Variants in ATG10 observed in about 807,000 individuals in gnomAD.
ATG10 encodes ubiquitin-like-conjugating enzyme ATG10.
ATG10 carries 30 observed loss-of-function variants against 32.1 expected under a neutral mutation model. That is an observed-to-expected ratio of 0.94 (90% CI 0.70 to 1.27). The LOEUF (loss-of-function observed/expected upper bound fraction) is 1.27, where lower values mean the gene tolerates loss of function less well. ATG10 is among the 50% of genes most tolerant of loss of function. The pLI, the probability that ATG10 is intolerant of heterozygous loss-of-function variation, is 0.00. For missense variants in ATG10, 233 were observed against 262.3 expected (o/e 0.89, Z 0.77); for synonymous variants, 87 against 91.5 (o/e 0.95, Z 0.28).
intron 4 of ATG10, among the ~76,000 whole-genome samples, chr5:82,164,788 C>T (rs578017609): frequency 9.2e-5 from 14 of 152,184 alleles, no homozygotes; most frequent in Middle Eastern, 3.4e-3. Flanking sequence ...TTGACTAAGC[C>T]CCCTGGCCCT....
intron 2 of ATG10, among the ~76,000 whole-genome samples, chr5:82,041,425 A>G (rs1025918265): frequency 1.3e-5 from 2 of 152,200 alleles, no homozygotes; most frequent in Admixed American, 1.3e-4. Flanking sequence ...TTTTTGAGAT[A>G]TTTGTGACAT....
chr5:82,135,752 G>A (rs561371098), intron 3 of ATG10, among the ~76,000 whole-genome samples: 102 of 152,290 alleles, frequency 6.7e-4, no homozygotes, highest in Non-Finnish European at 1.3e-3. Context: ...GTCCAGAGCC[G>A]AGTTCAAGTC....
intron 3 of ATG10, among the ~76,000 whole-genome samples, chr5:82,084,388 A>G (rs545077457): frequency 1.3e-5 from 2 of 152,346 alleles, no homozygotes; most frequent in East Asian, 3.9e-4. Context: ...GGAGAATGGA[A>G]CCAAGTTGGG....
intron 3 of ATG10, among the ~76,000 whole-genome samples, chr5:82,112,283 G>A (rs1405430971): frequency 1.3e-5 from 2 of 151,714 alleles, no homozygotes; most frequent in Non-Finnish European, 2.9e-5. Context: ...CAAATTTAAT[G>A]AATAACAATA....
chr5:82,059,571 G>A (rs1763704150), intron 3 of ATG10, among the ~76,000 whole-genome samples: 1 of 152,128 alleles, frequency 6.6e-6, no homozygotes, highest in Admixed American at 6.5e-5. Flanking sequence ...TTTGAAAGAG[G>A]ATTGGTGAGG....
At chr5:82,131,912 G>A (rs745456511) in intron 3 of ATG10, among the ~76,000 whole-genome samples, 11 of 152,022 alleles carry the variant, frequency 7.2e-5, no homozygotes, top group Non-Finnish European at 1.3e-4. Context: ...AATCATGGCA[G>A]AAGGCAAAGA....
chr5:82,043,341 G>T (rs1763140570), intron 2 of ATG10, among the ~76,000 whole-genome samples: 1 of 152,330 alleles, frequency 6.6e-6, no homozygotes, highest in East Asian at 1.9e-4. Flanking sequence ...GGGGCCCTGG[G>T]CCTGGCCCAC....
chr5:82,010,180 T>G, intron 2 of ATG10: 2 of 1,126,814 alleles, frequency 1.8e-6, no homozygotes, highest in Non-Finnish European at 2.6e-6. Flanking sequence ...GGAGAATGTT[T>G]CCAAGTACAG....
At chr5:82,005,452 G>A (rs550597745) in intron 2 of ATG10, among the ~76,000 whole-genome samples, 59 of 152,018 alleles carry the variant, frequency 3.9e-4, no homozygotes, top group African/African-American at 1.4e-3. Flanking sequence ...CCACCACCAC[G>A]CCCAGCTAGT....
chr5:82,062,571 CTTATAA>C (rs1561279796), intron 3 of ATG10, among the ~76,000 whole-genome samples: 1 of 152,124 alleles, frequency 6.6e-6, no homozygotes, highest in Non-Finnish European at 1.5e-5. Flanking sequence ...TAATGTCACA[CTTATAA>C]TTATCTTTTT....
At chr5:82,139,872 C>A (rs1179217607) in intron 3 of ATG10, among the ~76,000 whole-genome samples, 4 of 143,990 alleles carry the variant, frequency 2.8e-5, no homozygotes, top group East Asian at 4.5e-4. Flanking sequence ...GGCCAGCCGC[C>A]CCGTCCGGGA....
At chr5:82,220,484 G>C (rs928516999) in intron 5 of ATG10, among the ~76,000 whole-genome samples, 5 of 151,886 alleles carry the variant, frequency 3.3e-5, no homozygotes, top group Admixed American at 3.3e-4. Flanking sequence ...GGATGGTCTC[G>C]ATCTCCTGAC....
At chr5:82,152,992 G>C (rs537569048) in intron 3 of ATG10, among the ~76,000 whole-genome samples, 1 of 152,110 alleles carries the variant, frequency 6.6e-6, no homozygotes, top group African/African-American at 2.4e-5. Flanking sequence ...CTTGGAATAC[G>C]TAAGTGAATA....
At chr5:82,118,075 T>G (rs1765878570) in intron 3 of ATG10, among the ~76,000 whole-genome samples, 1 of 151,808 alleles carries the variant, frequency 6.6e-6, no homozygotes, top group African/African-American at 2.4e-5. Flanking sequence ...TCAGAAAAAT[T>G]TCATAAATGG....
chr5:82,247,982 G>A (rs1447854814), intron 5 of ATG10, among the ~76,000 whole-genome samples: 2 of 152,050 alleles, frequency 1.3e-5, no homozygotes, highest in African/African-American at 4.8e-5. Context: ...GCCAATGATT[G>A]GACAGAAATT....
At chr5:82,239,884 A>C (rs1358476272) in intron 5 of ATG10, among the ~76,000 whole-genome samples, 1 of 152,234 alleles carries the variant, frequency 6.6e-6, no homozygotes, top group Non-Finnish European at 1.5e-5. Flanking sequence ...TTTAAAAAGA[A>C]GACATACAAA....
chr5:81,973,696 A>G (rs1199776150), intron 1 of ATG10, among the ~76,000 whole-genome samples: 3 of 152,150 alleles, frequency 2.0e-5, no homozygotes, highest in African/African-American at 7.2e-5. Flanking sequence ...ACATCTTAGG[A>G]CTCCAAGTAG....
chr5:81,987,932 A>G (rs1405900809), intron 2 of ATG10, among the ~76,000 whole-genome samples: 2 of 152,244 alleles, frequency 1.3e-5, no homozygotes, highest in Admixed American at 1.3e-4. Context: ...AATTTAATAG[A>G]TAAAAATTAG....
intron 3 of ATG10, among the ~76,000 whole-genome samples, chr5:82,077,484 T>C (rs1764316058): frequency 6.6e-6 from 1 of 152,256 alleles, no homozygotes; most frequent in East Asian, 1.9e-4. Context: ...TTGGATGTCC[T>C]GTTTAACTCA....
Sources: allele counts gnomAD v4.1 joint callset (sites outside exome capture counted in the v4.1 genomes callset), GRCh38; gene constraint gnomAD v4.1.1; transcripts MANE v1.5; gene names NCBI Gene and HGNC (gene_info 2026-07-23, HGNC 2026-07-21).